Variants in IQGAP1 observed in about 807,000 individuals in gnomAD.
IQGAP1 encodes the protein IQ motif containing GTPase activating protein 1.
Under a neutral mutation model 215.6 loss-of-function variants are expected in IQGAP1, and 66 were observed. That is an observed-to-expected ratio of 0.31 (90% CI 0.25 to 0.38). IQGAP1 has a LOEUF of 0.38. IQGAP1 is among the 10% of genes least tolerant of loss of function. The pLI, the probability that IQGAP1 is intolerant of heterozygous loss-of-function variation, is 1.00. For synonymous variants in IQGAP1, 772 were observed against 728.7 expected (o/e 1.06, Z -0.96); for missense variants, 1,712 against 1,997.1 (o/e 0.86, Z 2.72).
Position 90,426,236 on chromosome 15 carries a change from A to C in IQGAP1, c.282A>C (p.Lys94Asn). The C allele has an allele frequency of 1.2e-6, 2 of 1,603,378 alleles. No homozygotes were observed. Among genetic ancestry groups the C allele is most frequent in the Non-Finnish European group, 1.7e-6 (2 of 1,176,968 alleles). The change falls in exon 3 of 38, where the codon AAA becomes AAC. Residue 94 changes from lysine (K) to asparagine (N), a missense_variant. Around this residue, in one of 2 missense-constraint regions of IQGAP1, gnomAD observed 1,021 missense variants for 1,074.2 expected, o/e 0.95. Coordinates refer to ENST00000268182, the MANE Select transcript of IQGAP1 (RefSeq NM_003870.4). ...CTCCCAAAGTAGTGTCCCTGAAAAA[A>C]ATCTATGATCGAGAACAGACCAGAT... ...FFSPKVVSLK[K>N]IYDREQTRYK...
chr15:90,453,004 C>T, intron 12 of IQGAP1, 66 bp downstream of exon 12: 2 of 1,579,362 alleles, frequency 1.3e-6, no homozygotes, highest in South Asian at 1.1e-5. Context: ...ATACCCACTT[C>T]TTCCTGTGGT....
intron 6 of IQGAP1, among the ~76,000 whole-genome samples, chr15:90,439,684 C>T (rs1005410086): frequency 1.3e-5 from 2 of 151,974 alleles, no homozygotes; most frequent in Non-Finnish European, 2.9e-5. Context: ...AATGTTAACA[C>T]ATAACACTAA....
chr15:90,426,273 C>G lies in IQGAP1; in HGVS notation c.312+7C>G. 2 of 1,578,762 alleles carry G rather than the reference C, an allele frequency of 1.3e-6. No individual in the cohort carries two copies. The highest frequency in any genetic ancestry group is 1.7e-6 in the Non-Finnish European group (2 of 1,169,710). On this transcript the variant is annotated splice_region_variant and intron_variant, in intron 3 of 37. Coordinates refer to ENST00000268182, the MANE Select transcript of IQGAP1 (RefSeq NM_003870.4). ...AGAACAGACCAGATACAAGGTGAGTCCTTCCTTGCTTTGTGCTTAGATTTC... is the reference window on the plus strand; with the variant it reads ...AGAACAGACCAGATACAAGGTGAGTGCTTCCTTGCTTTGTGCTTAGATTTC...
intron 12 of IQGAP1, 84 bp from the exon 13 acceptor site, chr15:90,453,048 T>C: frequency 6.4e-7 from 1 of 1,553,464 alleles, no homozygotes; most frequent in Non-Finnish European, 8.7e-7. Context: ...CTTGGTTTTC[T>C]TACAGTTTTA....
At chr15:90,418,929 T>C (rs1965092686) in intron 2 of IQGAP1, among the ~76,000 whole-genome samples, 1 of 152,152 alleles carries the variant, frequency 6.6e-6, no homozygotes, top group African/African-American at 2.4e-5. Context: ...GGTGGATGGC[T>C]TGAGCCCAGG....
rs117683630 is a variant in IQGAP1 at position 90,445,569 on chromosome 15, A to G, written c.913+2091A>G. On this transcript the variant is annotated intron_variant, in intron 9 of 37. Transcript: ENST00000268182. The stretch of plus-strand genomic sequence containing the variant: ...TCTTTGTAAACTCCTTAAAGTAGAG[A>G]TTACGTATTCTGCTTCTTTTGAAGT... Among the ~76,000 whole-genome samples, 933 of 152,236 alleles carry G rather than the reference A, an allele frequency of 6.1e-3. 13 individuals are homozygous for G. The East Asian group carries it at 0.071, about 12-fold the overall frequency.
At chr15:90,436,970 T>C (rs546814719) in intron 5 of IQGAP1, among the ~76,000 whole-genome samples, 3 of 152,340 alleles carry the variant, frequency 2.0e-5, no homozygotes, top group African/African-American at 7.2e-5. Context: ...TGAAAGCAAC[T>C]GTATTAGTCC....
At chr15:90,456,049 T>A (rs1298529149) in intron 14 of IQGAP1, 103 bp from the exon 15 acceptor site, 5 of 932,786 alleles carry the variant, frequency 5.4e-6, no homozygotes, top group Non-Finnish European at 7.9e-6. Flanking sequence ...TGAATCATGG[T>A]TACTCTTAGG....
intron 7 of IQGAP1, 115 bp downstream of exon 7, chr15:90,440,730 C>T: frequency 1.5e-6 from 1 of 661,076 alleles, no homozygotes. Flanking sequence ...TTTAAGTCCA[C>T]AGATGTAGTT....
At chr15:90,438,307 C>T (rs1352942002) in intron 5 of IQGAP1, among the ~76,000 whole-genome samples, 1 of 152,072 alleles carries the variant, frequency 6.6e-6, no homozygotes, top group Non-Finnish European at 1.5e-5. Context: ...CTTTAGAATC[C>T]ACTTAATAAC....
chr15:90,462,158 ACT>A (rs1226947332), intron 15 of IQGAP1, among the ~76,000 whole-genome samples: 10 of 151,930 alleles, frequency 6.6e-5, no homozygotes, highest in Admixed American at 2.6e-4. Flanking sequence ...ACAGAGCGAG[ACT>A]CTGTCTCAAA....
intron 2 of IQGAP1, among the ~76,000 whole-genome samples, chr15:90,395,129 CA>C (rs1399061664): frequency 6.6e-6 from 1 of 152,098 alleles, no homozygotes; most frequent in Non-Finnish European, 1.5e-5. Context: ...AGAGCAGCTT[CA>C]ATATTGAAAT....
At chr15:90,425,489 T>C (rs1404388681) in intron 2 of IQGAP1, among the ~76,000 whole-genome samples, 1 of 152,188 alleles carries the variant, frequency 6.6e-6, no homozygotes, top group Non-Finnish European at 1.5e-5. Context: ...TTCTTTGTTT[T>C]ATTCTTTTTC....
chr15:90,479,576 TA>T (rs34325733), intron 26 of IQGAP1, among the ~76,000 whole-genome samples: 51,283 of 132,608 alleles, frequency 0.39, 10,237 homozygotes, highest in African/African-American at 0.57. Context: ...TGTCCCTACT[TA>T]AAAAAAAAAA....
At chr15:90,449,232 A>G (rs1391578911) in intron 10 of IQGAP1, among the ~76,000 whole-genome samples, 1 of 152,042 alleles carries the variant, frequency 6.6e-6, no homozygotes, top group African/African-American at 2.4e-5. Context: ...GCAAGTATAC[A>G]TTTTACAAAT....
chr15:90,414,694 C>T (rs1239159492), intron 2 of IQGAP1, among the ~76,000 whole-genome samples: 1 of 152,118 alleles, frequency 6.6e-6, no homozygotes, highest in African/African-American at 2.4e-5. Flanking sequence ...ACATTTTTCT[C>T]CACAGCCTCT....
rs564794674 is a variant in IQGAP1 at position 90,475,416 on chromosome 15, C to A, written c.2784+723C>A. Among the ~76,000 whole-genome samples the A allele has an allele frequency of 2.4e-4, 37 of 151,556 alleles. No homozygotes were observed. The East Asian group carries it at 4.4e-3, about 18-fold the overall frequency. ...CTTCCCAAAGTGCTGGGATTACAAA[C>A]ATGAGCCACCATGCCCGGCCATCAT... On this transcript the variant is annotated intron_variant, in intron 23 of 37. Transcript: ENST00000268182.
At chr15:90,427,767 G>A (rs1454682093) in intron 3 of IQGAP1, among the ~76,000 whole-genome samples, 1 of 151,944 alleles carries the variant, frequency 6.6e-6, no homozygotes, top group African/African-American at 2.4e-5. Flanking sequence ...ATGTTGACAA[G>A]GACCAAATTT....
intron 2 of IQGAP1, among the ~76,000 whole-genome samples, chr15:90,425,565 G>C (rs1900015010): frequency 6.6e-6 from 1 of 151,938 alleles, no homozygotes; most frequent in African/African-American, 2.4e-5. Flanking sequence ...AAAAATCTGA[G>C]AATTCATTAT....
Sources: allele counts gnomAD v4.1 joint callset (sites outside exome capture counted in the v4.1 genomes callset), GRCh38; gene constraint gnomAD v4.1.1; regional missense constraint gnomAD v4.1.1; transcripts MANE v1.5; gene names NCBI Gene and HGNC (gene_info 2026-07-23, HGNC 2026-07-21).